LARP4: variants seen among roughly 807,000 people sequenced by gnomAD.
The protein encoded by LARP4 is la-related protein 4.
A neutral mutation model predicts 92.9 loss-of-function variants in LARP4; 29 were observed. The observed-to-expected ratio is 0.31, with a 90% CI of 0.23 to 0.43. The LOEUF (loss-of-function observed/expected upper bound fraction) is 0.43, where lower values mean the gene tolerates loss of function less well. Among genes scored for constraint, LARP4 ranks in the 20% least tolerant of loss-of-function variants. The pLI is 1.00. For missense variants in LARP4, 732 were observed against 860.0 expected, an observed-to-expected ratio of 0.85 and a Z score of 1.86; for synonymous variants, 279 against 284.1, an observed-to-expected ratio of 0.98 and a Z score of 0.18.
At chr12:50,450,717 G>A (rs1453184829) in intron 8 of LARP4, among the ~76,000 whole-genome samples, 1 of 152,046 alleles carries the variant, frequency 6.6e-6, no homozygotes, top group Non-Finnish European at 1.5e-5. Context: ...GGCCAGGTTG[G>A]TCTTGACTCC....
intron 14 of LARP4, 89 bp from the exon 15 acceptor site, chr12:50,473,909 CA>C (rs56022222): frequency 0.012 from 11,395 of 936,328 alleles, no homozygotes; most frequent in South Asian, 0.017. Context: ...GACTCCGTCT[CA>C]AAAAAAAAAA....
At chr12:50,435,015 TC>T (rs1950213003) in intron 4 of LARP4, among the ~76,000 whole-genome samples, 1 of 152,154 alleles carries the variant, frequency 6.6e-6, no homozygotes, top group African/African-American at 2.4e-5. Flanking sequence ...GCCACTGCGC[TC>T]CAGACTGGGC....
chr12:50,452,743 T>C (rs1953455087), intron 8 of LARP4, among the ~76,000 whole-genome samples: 1 of 152,224 alleles, frequency 6.6e-6, no homozygotes, highest in Admixed American at 6.6e-5. Context: ...CTGTTTCATA[T>C]GTTTAAGAGC....
intron 8 of LARP4, among the ~76,000 whole-genome samples, chr12:50,451,677 A>G (rs962095902): frequency 1.1e-4 from 17 of 152,304 alleles, no homozygotes; most frequent in African/African-American, 3.9e-4. Flanking sequence ...TCTACTAACA[A>G]TACAAAAAAA....
intron 8 of LARP4, among the ~76,000 whole-genome samples, chr12:50,444,250 T>TA (rs1951679958): frequency 1.6e-5 from 1 of 62,948 alleles, no homozygotes. Flanking sequence ...CTTGGTGTCT[T>TA]ACTGATTTTT....
rs895375332 is a variant in LARP4, at chr12:50,477,038, A to T, written c.*1174A>T. 7.2e-5 allele frequency: 11 copies of T among 152,402 alleles called. No individual in the cohort carries two copies. The highest frequency in any genetic ancestry group is 2.6e-4 in the Admixed American group (4 of 15,240). 9.4% of individuals were successfully genotyped at this position (152,402 alleles called of 1,614,324 possible). Reference sequence around the variant, plus strand: ...GTAAAAAAATTTTTTTTAAAGGCTTAATTTGGGAGGGGGGACTTATTTCTG... The same window carrying T: ...GTAAAAAAATTTTTTTTAAAGGCTTTATTTGGGAGGGGGGACTTATTTCTG... On this transcript the variant is annotated 3_prime_UTR_variant, in exon 16 of 16. Coordinates refer to ENST00000398473, the MANE Select transcript of LARP4 (RefSeq NM_052879.5).
At chr12:50,417,785 C>G (rs1199659700) in intron 1 of LARP4, among the ~76,000 whole-genome samples, 1 of 152,198 alleles carries the variant, frequency 6.6e-6, no homozygotes, top group African/African-American at 2.4e-5. Flanking sequence ...GCCTCTTCCT[C>G]CAGGTTTAAG....
At chr12:50,404,381 G>C (rs991707925) in intron 1 of LARP4, among the ~76,000 whole-genome samples, 3 of 152,048 alleles carry the variant, frequency 2.0e-5, no homozygotes, top group African/African-American at 7.2e-5. Flanking sequence ...ATAATACTTA[G>C]ATGCAACTTT....
At chr12:50,462,135 T>C (rs1003634212) in intron 11 of LARP4, among the ~76,000 whole-genome samples, 8 of 152,120 alleles carry the variant, frequency 5.3e-5, no homozygotes, top group Non-Finnish European at 7.3e-5. Flanking sequence ...TAATATATTA[T>C]CTTTTAGTAA....
Position 50,404,891 on chromosome 12 carries a change from T to TGTTGGCCAGGATGGTCTCGGTCTC in LARP4, c.18+3864_18+3887dup, listed in dbSNP as rs1340014152. ...TTTTAGTAGAGATGGGGTTTCACCA[T>TGTTGGCCAGGATGGTCTCGGTCTC]GTTGGCCAGGATGGTCTCGGTCTCT... is the stretch of plus-strand genomic sequence containing the variant. On this transcript the variant is annotated intron_variant, in intron 1 of 15. Transcript: ENST00000398473. Among the ~76,000 whole-genome samples, 11 of 151,982 alleles carry TGTTGGCCAGGATGGTCTCGGTCTC rather than the reference T, an allele frequency of 7.2e-5. No individual in the cohort carries two copies. In the East Asian group the frequency reaches 1.9e-3, roughly 27 times the overall value.
intron 13 of LARP4, among the ~76,000 whole-genome samples, chr12:50,471,335 G>A (rs1956906574): frequency 6.6e-6 from 1 of 152,076 alleles, no homozygotes; most frequent in South Asian, 2.1e-4. Flanking sequence ...ATTCTGTATG[G>A]TTTGAGATTG....
intron 10 of LARP4, among the ~76,000 whole-genome samples, chr12:50,457,372 A>G (rs1379315362): frequency 1.3e-5 from 2 of 151,536 alleles, no homozygotes; most frequent in Admixed American, 1.3e-4. Context: ...ACGCCCAGCT[A>G]ATTTTTTGTA....
In LARP4 at chr12:50,474,066, A is replaced by G; in HGVS notation, c.1735A>G (p.Thr579Ala). 1 of 1,612,490 alleles carries G rather than the reference A, an allele frequency of 6.2e-7. No individual in the cohort carries two copies. Among genetic ancestry groups the G allele is most frequent in the Non-Finnish European group, 8.5e-7 (1 of 1,179,712 alleles). ...SVQKDGLNQT[T>A]IPVSPPSTTK... Reference sequence around the variant, plus strand: ...TCAGAAGGATGGTCTCAATCAGACAACTATACCAGTTTCTCCTCCAAGTAC... The same window carrying G: ...TCAGAAGGATGGTCTCAATCAGACAGCTATACCAGTTTCTCCTCCAAGTAC... The change falls in exon 15 of 16, where the codon ACT becomes GCT. Residue 579 changes from threonine (T) to alanine (A), a missense_variant. By Grantham distance (58) the Thr-to-Ala change is moderately conservative. Around this residue, in one of 7 missense-constraint regions of LARP4, gnomAD observed 97 missense variants for 85.9 expected, o/e 1.13. Coordinates refer to ENST00000398473, the MANE Select transcript of LARP4 (RefSeq NM_052879.5).
rs60797979 is a variant in LARP4, at chr12:50,433,269, A to ATTTTT, written c.399-2203_399-2199dup. Among the ~76,000 whole-genome samples, 53 of 117,218 alleles carry ATTTTT rather than the reference A, an allele frequency of 4.5e-4. 2 individuals are homozygous for ATTTTT. The highest frequency in any genetic ancestry group is 1.7e-3 in the East Asian group (7 of 4,230). The allele number at this position is 117,218 out of a possible 152,430, so 76.9% of individuals were successfully genotyped here. On this transcript the variant is annotated intron_variant, in intron 4 of 15. Transcript: ENST00000398473. ...GCTTTCCCAGATCTCCAAAAACGTG[A>ATTTTT]TTTTTTTTTTTTTTTTTTTTGTAGT...
At chr12:50,463,037 A>G (rs150231538) in intron 12 of LARP4, among the ~76,000 whole-genome samples, 2 of 152,004 alleles carry the variant, frequency 1.3e-5, no homozygotes, top group Non-Finnish European at 2.9e-5. Context: ...TTCTAGGGAG[A>G]GGCAGAGGAG....
At position 50,466,085 on chromosome 12, in the gene LARP4, A is replaced by T. The variant is rs80258597; in HGVS notation, c.1384-874A>T. Among the ~76,000 whole-genome samples the T allele has an allele frequency of 9.7e-3, 1,484 of 152,294 alleles. 28 individuals are homozygous for T. The highest frequency in any genetic ancestry group is 0.034 in the African/African-American group (1,419 of 41,570). The stretch of plus-strand genomic sequence containing the variant: ...GGATGGTTAACACACCAAATGCTAT[A>T]TGTCAGGAAATGAGAGGTCAGGAAA... On this transcript the variant is annotated intron_variant, in intron 12 of 15. Transcript: ENST00000398473.
chr12:50,442,097 GA>G (rs1951303689), intron 8 of LARP4, among the ~76,000 whole-genome samples: 2 of 152,100 alleles, frequency 1.3e-5, no homozygotes. Context: ...TGCTACTTCA[GA>G]AAATCCTTTG....
At chr12:50,428,089 G>A (rs1315228808) in intron 2 of LARP4, among the ~76,000 whole-genome samples, 180 bp downstream of exon 2, 2 of 141,012 alleles carry the variant, frequency 1.4e-5, no homozygotes, top group Admixed American at 7.8e-5. Flanking sequence ...TCCACCTCCC[G>A]GGTCCAAGCA....
chr12:50,435,892 C>T (rs1051796210), intron 5 of LARP4, among the ~76,000 whole-genome samples: 2 of 151,940 alleles, frequency 1.3e-5, no homozygotes, highest in East Asian at 1.9e-4. Flanking sequence ...CCTTCTACCT[C>T]GTAGCCTCCC....
Sources: gnomAD v4.1 joint callset for allele counts (sites outside exome capture counted in the v4.1 genomes callset) on GRCh38, gnomAD v4.1.1 for gene constraint, gnomAD v4.1.1 regional missense constraint, MANE v1.5 for transcripts, NCBI Gene and HGNC (gene_info 2026-07-23, HGNC 2026-07-21) for gene names.